The following LARP4 variants were observed in gnomAD, a reference collection of about 807,000 sequenced individuals.
LARP4 encodes the protein La ribonucleoprotein 4, also known as la-related protein 4.
LARP4 carries 29 observed loss-of-function variants against 92.9 expected under a neutral mutation model. That is an observed-to-expected ratio of 0.31 (90% confidence interval 0.23 to 0.43). LARP4 has a LOEUF of 0.43. Ranked by LOEUF, LARP4 falls within the 20% of genes least tolerant of loss-of-function variation. The pLI is 1.00. For synonymous variants in LARP4, 279 were observed against 284.1 expected, an observed-to-expected ratio of 0.98 and a Z score of 0.18; for missense variants, 732 against 860.0, an observed-to-expected ratio of 0.85 and a Z score of 1.86.
chr12:50,461,364 C>A lies in LARP4; in HGVS notation c.1334+17C>A. 6.2e-7 allele frequency: 1 copy of A among 1,600,782 alleles called. No homozygotes were observed. On this transcript the variant is annotated intron_variant, in intron 11 of 15. Transcript: ENST00000398473. ...TAGGGGCAGGTAAGAAAATAAAGTA[C>A]CTGAAAACCTTTGATAATAATGTGA...
rs1257223011 is a variant in LARP4 at position 50,477,672 on chromosome 12, TTTTGA to T, written c.*1816_*1820del. On this transcript the variant is annotated 3_prime_UTR_variant, in exon 16 of 16. Transcript: ENST00000398473. ...GACTTATTATTAGCTTGGCAGTTGC[TTTTGA>T]TTTGATTGTTTTATGACATGGTATA... 1 of 152,514 alleles carries T rather than the reference TTTTGA, an allele frequency of 6.6e-6. No homozygotes were observed. Among genetic ancestry groups the T allele is most frequent in the East Asian group, 1.9e-4 (1 of 5,208 alleles). 9.4% of individuals were successfully genotyped at this position (152,514 alleles called of 1,614,324 possible).
chr12:50,416,132 G>A (rs560823974), intron 1 of LARP4, among the ~76,000 whole-genome samples: 1 of 152,310 alleles, frequency 6.6e-6, no homozygotes, highest in South Asian at 2.1e-4. Context: ...AGGAATGGCA[G>A]CAGGGTTGGT....
chr12:50,475,734 A>G lies in LARP4; in HGVS notation c.2045A>G (p.Asn682Ser), dbSNP rs776182357. ...AAGGATTATTCTGGCTTCCGAGGCA[A>G]TATAATCCCCAGGGGAGCAGCAGGA... is the stretch of plus-strand genomic sequence containing the variant. ...ASKDYSGFRGNIIPRGAAGKI... is the reference protein window; with the variant it reads ...ASKDYSGFRGSIIPRGAAGKI... The change falls in exon 16 of 16, where the codon AAT becomes AGT. Residue 682 changes from asparagine to serine, a missense_variant. Transcript: ENST00000398473. The G allele has an allele frequency of 6.2e-7, 1 of 1,614,036 alleles. No homozygotes were observed. The highest frequency in any genetic ancestry group is 1.3e-5 in the African/African-American group (1 of 74,928).
At chr12:50,462,506 T>A in intron 11 of LARP4, 76 bp from the exon 12 acceptor site, 1 of 857,976 alleles carries the variant, frequency 1.2e-6, no homozygotes, top group Non-Finnish European at 1.8e-6. Context: ...ACGGCTTTGA[T>A]AGAATGTATA....
intron 4 of LARP4, among the ~76,000 whole-genome samples, chr12:50,432,298 C>CT (rs1279196286): frequency 6.6e-6 from 1 of 152,098 alleles, no homozygotes; most frequent in Non-Finnish European, 1.5e-5. Context: ...AGAGTTTGAG[C>CT]TTTTTTTCTG....
intron 1 of LARP4, among the ~76,000 whole-genome samples, chr12:50,426,732 G>GTGGT (rs1948838581): frequency 3.6e-4 from 19 of 52,100 alleles, no homozygotes; most frequent in South Asian, 1.5e-3. Flanking sequence ...TGTGTGTGTG[G>GTGGT]TTTTTTTTTT....
chr12:50,433,781 G>A (rs531935109), intron 4 of LARP4, among the ~76,000 whole-genome samples: 38 of 151,930 alleles, frequency 2.5e-4, no homozygotes, highest in African/African-American at 2.2e-4. Flanking sequence ...CTGGGAGTAC[G>A]GGCACGCACA....
chr12:50,473,922 T>A, intron 14 of LARP4, 77 bp from the exon 15 acceptor site: 1 of 1,311,132 alleles, frequency 7.6e-7, no homozygotes, highest in Non-Finnish European at 1.1e-6. Context: ...AAAAAAAAAT[T>A]ACGTTTTCTT....
intron 5 of LARP4, among the ~76,000 whole-genome samples, chr12:50,436,796 T>G (rs1008047076): frequency 1.3e-5 from 2 of 152,220 alleles, no homozygotes; most frequent in Non-Finnish European, 2.9e-5. Context: ...ATAGCAAGTC[T>G]GATAATAGAC....
intron 1 of LARP4, among the ~76,000 whole-genome samples, chr12:50,423,597 G>C (rs1476757094): frequency 6.6e-6 from 1 of 151,798 alleles, no homozygotes; most frequent in Admixed American, 6.6e-5. Context: ...TACAGGTGCA[G>C]GCCACCACGC....
chr12:50,412,569 G>A (rs1157648551), intron 1 of LARP4: 1 of 212,738 alleles, frequency 4.7e-6, no homozygotes, highest in African/African-American at 2.4e-5. Flanking sequence ...TAGGACAGGA[G>A]GATACCATTT....
chr12:50,445,923 C>T (rs1338947377), intron 8 of LARP4, among the ~76,000 whole-genome samples: 1 of 151,946 alleles, frequency 6.6e-6, no homozygotes, highest in Non-Finnish European at 1.5e-5. Flanking sequence ...TATTTTCCCT[C>T]CCTTTTTTTG....
At chr12:50,430,701 G>T (rs915419281) in intron 4 of LARP4, 131 bp downstream of exon 4, 18 of 549,048 alleles carry the variant, frequency 3.3e-5, no homozygotes, top group South Asian at 8.1e-5. Context: ...TCATGTTGTC[G>T]CTGGGCTGGA....
intron 8 of LARP4, among the ~76,000 whole-genome samples, chr12:50,451,430 G>A (rs972473550): frequency 6.6e-6 from 1 of 152,108 alleles, no homozygotes; most frequent in African/African-American, 2.4e-5. Context: ...GGGCATGGTG[G>A]CTCATGCCTG....
intron 11 of LARP4, among the ~76,000 whole-genome samples, chr12:50,462,221 G>A (rs1029177918): frequency 6.6e-6 from 1 of 151,942 alleles, no homozygotes; most frequent in Non-Finnish European, 1.5e-5. Context: ...GGTGGCTCAC[G>A]CCTGTAATCC....
At chr12:50,458,209 G>A (rs1253108736) in intron 10 of LARP4, among the ~76,000 whole-genome samples, 3 of 151,882 alleles carry the variant, frequency 2.0e-5, no homozygotes, top group Admixed American at 6.6e-5. Flanking sequence ...AAAGTGCTGG[G>A]GTTACAGATA....
At chr12:50,449,184 A>T (rs1442416293) in intron 8 of LARP4, among the ~76,000 whole-genome samples, 1 of 152,004 alleles carries the variant, frequency 6.6e-6, no homozygotes, top group African/African-American at 2.4e-5. Flanking sequence ...AGGAGGTTGC[A>T]GTGAGCCGAG....
chr12:50,463,465 G>A (rs1158822211), intron 12 of LARP4, among the ~76,000 whole-genome samples: 1 of 150,510 alleles, frequency 6.6e-6, no homozygotes, highest in Non-Finnish European at 1.5e-5. Context: ...AGGCACCATG[G>A]TGCACGCCTG....
rs1411763749 is a variant in LARP4 at position 50,419,582 on chromosome 12, C to T, written c.19-8180C>T. On this transcript the variant is annotated intron_variant, in intron 1 of 15. Coordinates refer to ENST00000398473, the MANE Select transcript of LARP4 (RefSeq NM_052879.5). ...ATTGGTAGTCTTCCTAGGCAGACAT[C>T]TAGCAGAAGTAAAATAAATTATCTC... is the stretch of plus-strand genomic sequence containing the variant. Among the ~76,000 whole-genome samples, 5 of 152,134 alleles carry T rather than the reference C, an allele frequency of 3.3e-5. No homozygotes were observed. In the South Asian group the frequency reaches 1.0e-3, roughly 31 times the overall value.
Sources: gnomAD v4.1 joint callset for allele counts (sites outside exome capture counted in the v4.1 genomes callset) on GRCh38, gnomAD v4.1.1 for gene constraint, MANE v1.5 for transcripts, NCBI Gene and HGNC (gene_info 2026-07-23, HGNC 2026-07-21) for gene names.